YTHDF2: variants seen among roughly 807,000 people sequenced by gnomAD.
YTHDF2 encodes the protein YTH N6-methyladenosine RNA binding protein F2.
Under a neutral mutation model 50.4 loss-of-function variants are expected in YTHDF2, and 2 were observed. The ratio of observed to expected loss-of-function variants is 0.04; its 90% CI spans 0.02 to 0.12. The LOEUF (loss-of-function observed/expected upper bound fraction) is 0.12. Among genes scored for constraint, YTHDF2 ranks in the 10% least tolerant of loss-of-function variants. YTHDF2 has a pLI of 1.00. For synonymous variants in YTHDF2, 217 were observed against 255.6 expected (o/e 0.85, Z 1.44); for missense variants, 483 against 722.6 (o/e 0.67, Z 3.80).
chr1:28,764,569 G>A (rs760667192), intron 4 of YTHDF2, among the ~76,000 whole-genome samples: 9 of 151,282 alleles, frequency 5.9e-5, no homozygotes, highest in Non-Finnish European at 8.8e-5. Context: ...CATCGTGCCC[G>A]GCCCCAATTT....
At chr1:28,737,547 C>T (rs778184436) in intron 1 of YTHDF2, 111 bp from the exon 2 acceptor site, 135 of 1,439,302 alleles carry the variant, frequency 9.4e-5, no homozygotes, top group East Asian at 3.5e-4. Context: ...CTGACGCCTC[C>T]CCTCGGGCCT....
intron 4 of YTHDF2, among the ~76,000 whole-genome samples, chr1:28,759,976 A>C (rs924739610): frequency 2.6e-5 from 4 of 151,980 alleles, no homozygotes; most frequent in East Asian, 3.9e-4. Flanking sequence ...AAAAACAAAA[A>C]CTTACATTTT....
intron 1 of YTHDF2, 87 bp from the exon 2 acceptor site, chr1:28,737,571 C>G (rs1340543721): frequency 1.3e-6 from 2 of 1,584,756 alleles, no homozygotes; most frequent in Admixed American, 1.7e-5. Flanking sequence ...CCTTTATTCT[C>G]CCTTCGGGCC....
chr1:28,756,516 A>G (rs150089597), intron 4 of YTHDF2, among the ~76,000 whole-genome samples: 1 of 152,120 alleles, frequency 6.6e-6, no homozygotes, highest in African/African-American at 2.4e-5. Context: ...TGATTTTTAC[A>G]TGTTCAGCTT....
intron 4 of YTHDF2, among the ~76,000 whole-genome samples, chr1:28,757,937 C>T (rs1295815250): frequency 6.6e-6 from 1 of 152,078 alleles, no homozygotes; most frequent in East Asian, 1.9e-4. Context: ...TGTCATATAT[C>T]CTCAATCTCT....
chr1:28,747,434 G>T (rs1288503485), intron 4 of YTHDF2, among the ~76,000 whole-genome samples: 7 of 151,784 alleles, frequency 4.6e-5, no homozygotes, highest in African/African-American at 1.7e-4. Flanking sequence ...GCTGGGCATG[G>T]TGGCAGGTGC....
intron 4 of YTHDF2, among the ~76,000 whole-genome samples, chr1:28,761,054 A>G (rs1005096983): frequency 1.3e-5 from 2 of 150,502 alleles, no homozygotes; most frequent in Non-Finnish European, 2.9e-5. Flanking sequence ...TGTCAGCTCC[A>G]TTATAATCTT....
chr1:28,749,890 A>G (rs1376766480), intron 4 of YTHDF2, among the ~76,000 whole-genome samples: 1 of 151,724 alleles, frequency 6.6e-6, no homozygotes, highest in African/African-American at 2.4e-5. Context: ...GTTTTAGTCT[A>G]AAAAAAAGTC....
At chr1:28,768,140 G>A (rs2088248664) in intron 4 of YTHDF2, among the ~76,000 whole-genome samples, 1 of 151,992 alleles carries the variant, frequency 6.6e-6, no homozygotes. Context: ...CGAGGTTGCA[G>A]TGAGCGAAGA....
chr1:28,768,113 G>A (rs2088246689), intron 4 of YTHDF2, among the ~76,000 whole-genome samples: 1 of 151,920 alleles, frequency 6.6e-6, no homozygotes, highest in East Asian at 2.0e-4. Context: ...AGGCAGAATG[G>A]CTTGAACCCG....
At chr1:28,768,394 GTTTT>G (rs536124946) in intron 4 of YTHDF2, among the ~76,000 whole-genome samples, 1 of 145,056 alleles carries the variant, frequency 6.9e-6, no homozygotes, top group South Asian at 2.2e-4. Context: ...GTGTGGGTTT[GTTTT>G]TTTTTTTCTG....
At chr1:28,737,345 G>T (rs2124623120) in intron 1 of YTHDF2, 198 bp downstream of exon 1, 1 of 713,788 alleles carries the variant, frequency 1.4e-6, no homozygotes, top group Non-Finnish European at 2.2e-6. Context: ...GGGCCTCGGA[G>T]CCCACGGGCC....
At chr1:28,762,282 C>T (rs189898502) in intron 4 of YTHDF2, among the ~76,000 whole-genome samples, 4 of 152,204 alleles carry the variant, frequency 2.6e-5, no homozygotes, top group Admixed American at 2.6e-4. Flanking sequence ...GTCCCAGCTA[C>T]TCGGGAGGCT....
intron 4 of YTHDF2, among the ~76,000 whole-genome samples, chr1:28,764,903 C>T (rs2088194773): frequency 6.6e-6 from 1 of 151,724 alleles, no homozygotes; most frequent in African/African-American, 2.4e-5. Flanking sequence ...TCGCTATGTT[C>T]TCTAGGCTGA....
intron 1 of YTHDF2, 193 bp from the exon 2 acceptor site, chr1:28,737,465 T>C (rs2087711321): frequency 2.7e-6 from 2 of 736,744 alleles, no homozygotes; most frequent in South Asian, 4.2e-5. Context: ...GTCTGCCGCG[T>C]TTTCTCCCCT....
chr1:28,736,851 C>T (rs1340085396), upstream of YTHDF2: 2 of 397,488 alleles, frequency 5.0e-6, no homozygotes, highest in Non-Finnish European at 9.0e-6. Flanking sequence ...GCGCGCGCCG[C>T]CCGCCTCCGC....
At chr1:28,751,110 A>AAAAAAAAAAAAAT (rs1553144757) in intron 4 of YTHDF2, among the ~76,000 whole-genome samples, 2 of 144,408 alleles carry the variant, frequency 1.4e-5, no homozygotes, top group Non-Finnish European at 3.0e-5. Flanking sequence ...AAAAAAAAAA[A>AAAAAAAAAAAAAT]GGCTGGGCGT....
At chr1:28,746,024 G>A (rs1389325325) in intron 4 of YTHDF2, among the ~76,000 whole-genome samples, 1 of 152,202 alleles carries the variant, frequency 6.6e-6, no homozygotes, top group Non-Finnish European at 1.5e-5. Flanking sequence ...GGGCAACAGA[G>A]TGAGACTCTG....
At chr1:28,749,432 G>A (rs1014991718) in intron 4 of YTHDF2, among the ~76,000 whole-genome samples, 3 of 151,882 alleles carry the variant, frequency 2.0e-5, no homozygotes, top group East Asian at 1.9e-4. Context: ...TGCCCGCCCC[G>A]GCCTCCCAAA....
Sources: allele counts gnomAD v4.1 joint callset (sites outside exome capture counted in the v4.1 genomes callset), GRCh38; gene constraint gnomAD v4.1.1; transcripts MANE v1.5; gene names NCBI Gene and HGNC (gene_info 2026-07-23, HGNC 2026-07-21).